Variants in UMODL1 observed in about 807,000 individuals in gnomAD.
UMODL1 encodes uromodulin like 1, also known as uromodulin-like 1.
A neutral mutation model predicts 136.3 loss-of-function variants in UMODL1; 128 were observed. The ratio of observed to expected loss-of-function variants is 0.94; its 90% CI spans 0.81 to 1.09. The LOEUF (loss-of-function observed/expected upper bound fraction) is 1.09. UMODL1 is among the 50% of genes least tolerant of loss of function. UMODL1 has a pLI of 0.00. For missense variants in UMODL1, 1,766 were observed against 1,725.6 expected (o/e 1.02, Z -0.41); for synonymous variants, 721 against 720.0 (o/e 1.00, Z -0.02).
chr21:42,107,962 G>A (rs9980065), intron 9 of UMODL1, among the ~76,000 whole-genome samples: 26,216 of 152,206 alleles, frequency 0.17, 2,393 homozygotes, highest in South Asian at 0.23. Context: ...CTGGCTCTGC[G>A]CCCTCGCCTG....
At position 42,122,685 on chromosome 21, in the gene UMODL1, G is replaced by A. The variant is rs536153526; in HGVS notation, c.2828-146G>A. ...TGCGTGTGTGTGTGTGTGTGTGCAC[G>A]TGTGTAGTTGTGGCTGGAACATGCG... On this transcript the variant is annotated intron_variant, in intron 16 of 22. Coordinates refer to ENST00000408910, the MANE Select transcript of UMODL1 (RefSeq NM_001004416.3). The surrounding 1 kb of genome is among the most constrained non-coding windows in gnomAD (Gnocchi z 4.3). 2.6e-5 allele frequency: 18 copies of A among 688,664 alleles called. No homozygotes were observed. Among genetic ancestry groups the A allele is most frequent in the South Asian group, 2.3e-4 (12 of 52,106 alleles). 42.7% of individuals were successfully genotyped at this position (688,664 alleles called of 1,614,324 possible). A position where few individuals can be genotyped will look rare whatever the true frequency, so the allele number is the denominator to read the frequency against.
intron 2 of UMODL1, among the ~76,000 whole-genome samples, chr21:42,077,043 G>A (rs1455738876): frequency 1.5e-5 from 2 of 137,330 alleles, no homozygotes; most frequent in African/African-American, 3.3e-5. Context: ...GTGTGTGTGT[G>A]TGTGTGTGTG....
intron 21 of UMODL1, among the ~76,000 whole-genome samples, chr21:42,132,458 A>G (rs2067146945): frequency 6.6e-6 from 1 of 151,176 alleles, no homozygotes; most frequent in African/African-American, 2.4e-5. Context: ...TCATCCATCT[A>G]TCCACCATCA....
At chr21:42,097,118 A>G (rs2066567820) in intron 6 of UMODL1, among the ~76,000 whole-genome samples, 1 of 152,246 alleles carries the variant, frequency 6.6e-6, no homozygotes. Context: ...ATCATAAAGA[A>G]TGAATCCATG....
intron 14 of UMODL1, among the ~76,000 whole-genome samples, chr21:42,116,515 A>C (rs2066904366): frequency 6.6e-6 from 1 of 151,336 alleles, no homozygotes; most frequent in South Asian, 2.1e-4. Flanking sequence ...GACAGGAGGC[A>C]CAACTCTTCC....
chr21:42,103,802 C>A (rs1291505445), intron 8 of UMODL1, 66 bp from the exon 9 acceptor site: 8 of 1,587,090 alleles, frequency 5.0e-6, no homozygotes, highest in Non-Finnish European at 5.2e-6. Flanking sequence ...ATCGGTCACA[C>A]CTGGAACCCT....
intron 6 of UMODL1, among the ~76,000 whole-genome samples, chr21:42,091,272 T>C (rs568471055): frequency 6.6e-6 from 1 of 152,320 alleles, no homozygotes; most frequent in Admixed American, 6.5e-5. Context: ...GCAGGACTGA[T>C]GTCTGCACTG....
At chr21:42,074,780 A>C (rs2066268676) in intron 1 of UMODL1, among the ~76,000 whole-genome samples, 1 of 152,152 alleles carries the variant, frequency 6.6e-6, no homozygotes, top group Non-Finnish European at 1.5e-5. Context: ...GCTGGAGTGC[A>C]GTGACATGAT....
rs948669361 is a variant in UMODL1 at position 42,100,484 on chromosome 21, G to A, written c.1186+1304G>A. ...CATCCAGAAAGCCCTCAAGCACCCC[G>A]GCCACCCTCGACACAAGCCCTCCAC... On this transcript the variant is annotated intron_variant, in intron 7 of 22. Coordinates refer to ENST00000408910, the MANE Select transcript of UMODL1 (RefSeq NM_001004416.3). Among the ~76,000 whole-genome samples the A allele has an allele frequency of 7.9e-5, 12 of 151,922 alleles. No individual in the cohort carries two copies. In the East Asian group the frequency reaches 1.2e-3, roughly 15 times the overall value.
chr21:42,071,832 A>G (rs544436692), intron 1 of UMODL1, among the ~76,000 whole-genome samples: 1 of 146,730 alleles, frequency 6.8e-6, no homozygotes, highest in Non-Finnish European at 1.5e-5. Context: ...TTACAGATTT[A>G]AAAAAAAAAG....
chr21:42,090,055 G>A (rs893514970), intron 5 of UMODL1, among the ~76,000 whole-genome samples: 1 of 152,228 alleles, frequency 6.6e-6, no homozygotes, highest in Non-Finnish European at 1.5e-5. Flanking sequence ...GCTGCCCGGT[G>A]AGCCAGCCGC....
At chr21:42,125,403 A>G (rs922739369) in intron 17 of UMODL1, among the ~76,000 whole-genome samples, 2 of 152,108 alleles carry the variant, frequency 1.3e-5, no homozygotes, top group Non-Finnish European at 2.9e-5. Flanking sequence ...TGCAGAGCAC[A>G]AGCTTGCCTG....
intron 9 of UMODL1, among the ~76,000 whole-genome samples, chr21:42,106,533 C>T (rs2066721928): frequency 6.6e-6 from 1 of 152,124 alleles, no homozygotes; most frequent in Non-Finnish European, 1.5e-5. Context: ...TTGTCGTGAC[C>T]TTATCTTTAC....
chr21:42,066,216 T>C (rs1352944734), intron 1 of UMODL1, among the ~76,000 whole-genome samples: 1 of 152,222 alleles, frequency 6.6e-6, no homozygotes, highest in Non-Finnish European at 1.5e-5. Flanking sequence ...AAATAGAGGC[T>C]TAATTCTCCT....
In UMODL1 at chr21:42,137,365, C is replaced by T. The variant is rs1042484963; in HGVS notation, c.3776-74C>T. On this transcript the variant is annotated intron_variant, in intron 21 of 22. Transcript: ENST00000408910. The stretch of plus-strand genomic sequence containing the variant: ...GCTTCAGATCCATCAGCCCCGGATC[C>T]GGGTGGAGGGCTTGCTCTATCGCAT... 17 of 1,561,944 alleles carry T rather than the reference C, an allele frequency of 1.1e-5. No homozygotes were observed. In the African/African-American group the frequency reaches 1.2e-4, roughly 11 times the overall value.
In UMODL1 at chr21:42,127,120, T is replaced by C. The variant is rs2123365519; in HGVS notation, c.3408T>C (p.Asp1136=). 6.2e-6 allele frequency: 10 copies of C among 1,614,180 alleles called. No individual in the cohort carries two copies. The highest frequency in any genetic ancestry group is 8.5e-6 in the Non-Finnish European group (10 of 1,180,032). Residue 1136 remains aspartate (D), a synonymous_variant, in exon 19 of 23, where the codon GAT becomes GAC. Coordinates refer to ENST00000408910, the MANE Select transcript of UMODL1 (RefSeq NM_001004416.3). ...PQNYSVSASD[D]VRIEVGLYRQ... ...ATTATAGCGTGTCTGCCAGTGACGATGTCAGGATCGAAGTGGGGCTCTACA... is the reference window on the plus strand; with the variant it reads ...ATTATAGCGTGTCTGCCAGTGACGACGTCAGGATCGAAGTGGGGCTCTACA...
At chr21:42,121,605 G>C (rs918837734) in intron 16 of UMODL1, among the ~76,000 whole-genome samples, 3 of 152,068 alleles carry the variant, frequency 2.0e-5, no homozygotes, top group Middle Eastern at 3.2e-3. Context: ...GTTTCCTCTT[G>C]GCCACTCTTT....
chr21:42,105,793 T>C (rs1178044149), intron 9 of UMODL1, among the ~76,000 whole-genome samples: 1 of 152,128 alleles, frequency 6.6e-6, no homozygotes, highest in Non-Finnish European at 1.5e-5. Context: ...GGACTTCGCC[T>C]CCGGAACGGC....
intron 9 of UMODL1, among the ~76,000 whole-genome samples, chr21:42,106,948 T>G (rs913422210): frequency 8.5e-5 from 13 of 152,194 alleles, no homozygotes; most frequent in Non-Finnish European, 1.5e-4. Context: ...ATGGCGACAG[T>G]GCATTTCTGA....
Sources: allele counts gnomAD v4.1 joint callset (sites outside exome capture counted in the v4.1 genomes callset), GRCh38; gene constraint gnomAD v4.1.1; non-coding constraint Gnocchi (gnomAD v3.1); transcripts MANE v1.5; gene names NCBI Gene and HGNC (gene_info 2026-07-23, HGNC 2026-07-21).